DENND6A: variants seen among roughly 807,000 people sequenced by gnomAD.
DENND6A encodes the protein DENN domain containing 6A.
In DENND6A, 43 loss-of-function variants were observed where a neutral mutation model predicts 95.5. The observed-to-expected ratio is 0.45, with a 90% confidence interval of 0.35 to 0.58. DENND6A has a LOEUF of 0.58. DENND6A is among the 20% of genes least tolerant of loss of function. The pLI, the probability that DENND6A is intolerant of heterozygous loss-of-function variation, is 0.00. For missense variants in DENND6A, 574 were observed against 736.0 expected, an observed-to-expected ratio of 0.78 and a Z score of 2.55; for synonymous variants, 257 against 260.4, an observed-to-expected ratio of 0.99 and a Z score of 0.13.
At chr3:57,678,686 G>A (rs979794479) in intron 1 of DENND6A, among the ~76,000 whole-genome samples, 1 of 152,220 alleles carries the variant, frequency 6.6e-6, no homozygotes, top group Non-Finnish European at 1.5e-5. Flanking sequence ...TCTACCATGT[G>A]AGGACATAGC....
Position 57,672,381 on chromosome 3 carries a change from G to A in DENND6A, c.276+19C>T, listed in dbSNP as rs965693393. On this transcript the variant is annotated intron_variant, in intron 2 of 19. Transcript: ENST00000311128. ...CAGAAATATAACAGTAAACTATACA[G>A]AGCAGTATTTTTACTTACTTCTCTG... 6.2e-7 allele frequency: 1 copy of A among 1,612,486 alleles called. No individual in the cohort carries two copies.
chr3:57,625,635 C>A lies in DENND6A; in HGVS notation c.*2579G>T. The A allele has an allele frequency of 6.6e-6, 1 of 151,960 alleles. No homozygotes were observed. 9.4% of individuals were successfully genotyped at this position (151,960 alleles called of 1,614,324 possible). A position where few individuals can be genotyped will look rare whatever the true frequency, so the allele number is the denominator to read the frequency against. ...GTCAGGGTTTACATAGTAACAAATT[C>A]TTCTTAAAAAAAAAAAGACAAATCT... On this transcript the variant is annotated 3_prime_UTR_variant, in exon 20 of 20. Coordinates refer to ENST00000311128, the MANE Select transcript of DENND6A (RefSeq NM_152678.3).
chr3:57,686,237 T>TA (rs1316391957), intron 1 of DENND6A, among the ~76,000 whole-genome samples: 1 of 152,220 alleles, frequency 6.6e-6, no homozygotes, highest in Non-Finnish European at 1.5e-5. Flanking sequence ...CAAAGTTACA[T>TA]AATGGTGTAG....
intron 1 of DENND6A, 137 bp from the exon 2 acceptor site, chr3:57,672,575 G>T: frequency 2.3e-6 from 2 of 856,270 alleles, no homozygotes; most frequent in Admixed American, 2.7e-5. Context: ...TTGAGGTCAG[G>T]TGTTTAAGAC....
At chr3:57,667,455 C>T (rs1575851800) in intron 3 of DENND6A, among the ~76,000 whole-genome samples, 1 of 152,160 alleles carries the variant, frequency 6.6e-6, no homozygotes, top group African/African-American at 2.4e-5. Flanking sequence ...CCACACCTGG[C>T]CTTAAAATGT....
chr3:57,688,051 A>C (rs978735351), intron 1 of DENND6A, among the ~76,000 whole-genome samples: 8 of 151,918 alleles, frequency 5.3e-5, no homozygotes, highest in African/African-American at 1.9e-4. Context: ...GCAGGACTAC[A>C]GTGGTATGAT....
rs1341733542 is a variant in DENND6A at position 57,692,874 on chromosome 3, C to T, written c.145G>A (p.Gly49Ser). The change falls in exon 1 of 20, where the codon GGC (glycine) becomes AGC (serine). Residue 49 changes from glycine (G) to serine (S), a missense_variant. Gly to Ser is a moderately conservative substitution (Grantham distance 56). Coordinates refer to ENST00000311128, the MANE Select transcript of DENND6A (RefSeq NM_152678.3). ...PEDDEEDDGRGRGLLRWDSFS... is the reference protein window; with the variant it reads ...PEDDEEDDGRSRGLLRWDSFS... ...CTGTCCCAGCGCAGCAGGCCCCGGC[C>T]ACGGCCATCGTCCTCTTCATCGTCC... The T allele has an allele frequency of 5.7e-6, 9 of 1,585,622 alleles. No homozygotes were observed. In the Admixed American group the frequency reaches 1.4e-4, roughly 25 times the overall value.
At chr3:57,688,184 T>C (rs7432266) in intron 1 of DENND6A, among the ~76,000 whole-genome samples, 125,042 of 151,676 alleles carry the variant, frequency 0.82, 51,851 homozygotes, top group East Asian at 1. Flanking sequence ...TTATTAGAGA[T>C]GGGGTTTTAC....
chr3:57,647,910 G>A (rs1009640472), intron 9 of DENND6A, among the ~76,000 whole-genome samples: 1 of 152,058 alleles, frequency 6.6e-6, no homozygotes, highest in African/African-American at 2.4e-5. Flanking sequence ...AGGGTAAGGA[G>A]GGTATCCATG....
At chr3:57,673,428 G>GT (rs2071654713) in intron 1 of DENND6A, among the ~76,000 whole-genome samples, 1 of 151,964 alleles carries the variant, frequency 6.6e-6, no homozygotes, top group Non-Finnish European at 1.5e-5. Context: ...GGGAAGAGTA[G>GT]TAAGAGTTTG....
At chr3:57,630,693 A>T (rs1399699163) in intron 17 of DENND6A, 22 bp downstream of exon 17, 1 of 1,605,252 alleles carries the variant, frequency 6.2e-7, no homozygotes, top group Non-Finnish European at 8.5e-7. Context: ...ACATGGGTGT[A>T]AAACAGGGAA....
At chr3:57,659,440 C>A (rs1447109615) in intron 7 of DENND6A, among the ~76,000 whole-genome samples, 1 of 152,118 alleles carries the variant, frequency 6.6e-6, no homozygotes, top group Non-Finnish European at 1.5e-5. Context: ...AAATGGACAT[C>A]AGCTTCATAC....
At chr3:57,650,465 T>A (rs1373965380) in intron 9 of DENND6A, among the ~76,000 whole-genome samples, 4 of 150,120 alleles carry the variant, frequency 2.7e-5, no homozygotes, top group Non-Finnish European at 4.5e-5. Context: ...CACACACACA[T>A]CCTAGCTTTG....
intron 18 of DENND6A, among the ~76,000 whole-genome samples, chr3:57,629,539 T>C (rs1575808735): frequency 7.8e-6 from 1 of 128,616 alleles, no homozygotes; most frequent in Non-Finnish European, 1.6e-5. Context: ...TGAGACGGAG[T>C]CTCGCTCTGT....
At chr3:57,691,997 C>G (rs2077270451) in intron 1 of DENND6A, among the ~76,000 whole-genome samples, 1 of 151,886 alleles carries the variant, frequency 6.6e-6, no homozygotes. Context: ...TTTGGAAGGC[C>G]TAGGCGGGCA....
At chr3:57,678,568 A>G (rs2153416953) in intron 1 of DENND6A, among the ~76,000 whole-genome samples, 1 of 152,376 alleles carries the variant, frequency 6.6e-6, no homozygotes, top group East Asian at 1.9e-4. Context: ...CTCCAATCAT[A>G]TTTAGAGACA....
At chr3:57,679,611 C>G (rs1313286098) in intron 1 of DENND6A, 2 of 968,440 alleles carry the variant, frequency 2.1e-6, no homozygotes, top group Non-Finnish European at 2.5e-6. Flanking sequence ...TAGATGTGTC[C>G]TTGTGGGAAA....
chr3:57,664,342 T>C (rs1294905257), intron 4 of DENND6A, among the ~76,000 whole-genome samples: 2 of 152,232 alleles, frequency 1.3e-5, no homozygotes, highest in Non-Finnish European at 2.9e-5. Flanking sequence ...ATCTGAAAGG[T>C]AATTGCATTC....
At chr3:57,665,145 T>C (rs1246625578) in intron 4 of DENND6A, among the ~76,000 whole-genome samples, 4 of 59,922 alleles carry the variant, frequency 6.7e-5, no homozygotes, top group South Asian at 2.0e-3. Flanking sequence ...GGTGAAACTT[T>C]GATGATGAAG....
Sources: allele counts gnomAD v4.1 joint callset (sites outside exome capture counted in the v4.1 genomes callset), GRCh38; gene constraint gnomAD v4.1.1; transcripts MANE v1.5; gene names NCBI Gene and HGNC (gene_info 2026-07-23, HGNC 2026-07-21).